RFX7: variants seen among roughly 807,000 people sequenced by gnomAD.
RFX7 encodes DNA-binding protein RFX7.
RFX7 carries 26 observed loss-of-function variants against 111.8 expected under a neutral mutation model. That is an observed-to-expected ratio of 0.23 (90% CI 0.17 to 0.32). RFX7 has a LOEUF of 0.32. RFX7 is among the 10% of genes least tolerant of loss of function. RFX7 has a pLI of 1.00. For missense variants in RFX7, 1,573 were observed against 1,772.9 expected, an observed-to-expected ratio of 0.89 and a Z score of 2.02; for synonymous variants, 624 against 624.4, an observed-to-expected ratio of 1.00 and a Z score of 0.01.
chr15:56,188,771 T>C (rs1435147201), intron 2 of RFX7, among the ~76,000 whole-genome samples: 8 of 152,146 alleles, frequency 5.3e-5, no homozygotes, highest in African/African-American at 1.9e-4. Context: ...GAAGAAACCA[T>C]AGGAGAATAT....
At position 56,096,377 on chromosome 15, in the gene RFX7, G is replaced by C. The variant is rs1308649147; in HGVS notation, c.1351C>G (p.Leu451Val). ...GTTTTGATGGGACTACTAGTAAAGAGGACAGTAGTTGGAGAGCGAATGGTG... is the reference window on the plus strand; with the variant it reads ...GTTTTGATGGGACTACTAGTAAAGACGACAGTAGTTGGAGAGCGAATGGTG... ...ALTIRSPTTV[L>V]FTSSPIKTAV... The change falls in exon 10 of 10, where the codon CTC (leucine) becomes GTC (valine). Residue 451 changes from leucine (L) to valine (V), a missense_variant. Leu to Val is a conservative substitution (Grantham distance 32). Transcript: ENST00000559447. 1 of 1,613,952 alleles carries C rather than the reference G, an allele frequency of 6.2e-7. No individual in the cohort carries two copies. Among genetic ancestry groups the C allele is most frequent in the Admixed American group, 1.7e-5 (1 of 60,018 alleles).
intron 5 of RFX7, among the ~76,000 whole-genome samples, chr15:56,130,406 C>CTCAATGAAATA (rs1427319806): frequency 5.3e-5 from 8 of 150,460 alleles, no homozygotes; most frequent in Non-Finnish European, 1.2e-4. Flanking sequence ...GAAATAAACC[C>CTCAATGAAATA]TCAAACACCT....
intron 5 of RFX7, among the ~76,000 whole-genome samples, chr15:56,135,660 T>G (rs1203491873): frequency 2.0e-4 from 30 of 152,304 alleles, no homozygotes; most frequent in African/African-American, 6.3e-4. Flanking sequence ...TTGCCATTGC[T>G]TTTGCTGTTT....
chr15:56,188,207 T>C (rs1371091677), intron 2 of RFX7, among the ~76,000 whole-genome samples: 1 of 152,108 alleles, frequency 6.6e-6, no homozygotes, highest in Non-Finnish European at 1.5e-5. Flanking sequence ...TAATTTGAGA[T>C]CAGATGGCAG....
At chr15:56,236,292 G>A (rs1465248207) in intron 2 of RFX7, among the ~76,000 whole-genome samples, 8 of 152,192 alleles carry the variant, frequency 5.3e-5, no homozygotes, top group Admixed American at 5.2e-4. Flanking sequence ...TGGGTTGAGT[G>A]CCAAATATCT....
intron 5 of RFX7, among the ~76,000 whole-genome samples, chr15:56,117,685 G>A (rs2042025605): frequency 6.6e-6 from 1 of 151,878 alleles, no homozygotes; most frequent in Non-Finnish European, 1.5e-5. Context: ...TCTGTGAAAC[G>A]AACTTTTATC....
chr15:56,145,889 C>A (rs1454369623), intron 3 of RFX7, among the ~76,000 whole-genome samples: 1 of 152,174 alleles, frequency 6.6e-6, no homozygotes, highest in Non-Finnish European at 1.5e-5. Flanking sequence ...CCACAAGTGG[C>A]ATAAAATAAC....
chr15:56,243,110 G>T lies in RFX7; in HGVS notation c.161+15C>A. ...GCCTGGGCTTTTTCACGCGAGCGAT[G>T]GAGGATCCTCTTACCAGATGGAGTT... On this transcript the variant is annotated intron_variant, in intron 2 of 9. Coordinates refer to ENST00000559447, the MANE Select transcript of RFX7 (RefSeq NM_022841.7). 2.9e-6 allele frequency: 4 copies of T among 1,360,744 alleles called. No individual in the cohort carries two copies. The highest frequency in any genetic ancestry group is 3.9e-6 in the Non-Finnish European group (4 of 1,019,196). The allele number at this position is 1,360,744 out of a possible 1,614,324, so 84.3% of individuals were successfully genotyped here.
chr15:56,212,302 G>A (rs2043320490), intron 2 of RFX7, among the ~76,000 whole-genome samples: 2 of 152,130 alleles, frequency 1.3e-5, no homozygotes, highest in South Asian at 4.1e-4. Context: ...CAGGGAAAAA[G>A]CAAAACTACA....
chr15:56,093,294 T>C lies in RFX7; in HGVS notation c.*51A>G. The C allele has an allele frequency of 1.4e-6, 2 of 1,452,802 alleles. No individual in the cohort carries two copies. The highest frequency in any genetic ancestry group is 2.7e-5 in the South Asian group (2 of 73,586). 90.0% of individuals were successfully genotyped at this position (1,452,802 alleles called of 1,614,324 possible). ...CGGGAGGCACTTCCATTAAGACAAA[T>C]ACAATACATATGTCTTTAGATACAG... On this transcript the variant is annotated 3_prime_UTR_variant, in exon 10 of 10. Coordinates refer to ENST00000559447, the MANE Select transcript of RFX7 (RefSeq NM_022841.7).
At chr15:56,195,328 T>A (rs1367299698) in intron 2 of RFX7, among the ~76,000 whole-genome samples, 1 of 152,116 alleles carries the variant, frequency 6.6e-6, no homozygotes, top group East Asian at 1.9e-4. Context: ...ATAGAGGTGA[T>A]GGCTACATAA....
chr15:56,209,513 G>C (rs1053444209), intron 2 of RFX7, among the ~76,000 whole-genome samples: 2 of 151,918 alleles, frequency 1.3e-5, no homozygotes, highest in African/African-American at 4.8e-5. Flanking sequence ...AAAAAGTGCA[G>C]GTAAAATCAA....
rs1283117416 is a variant in RFX7, at chr15:56,110,425, GC to G, written c.402-6756del. Among the ~76,000 whole-genome samples the G allele has an allele frequency of 5.4e-5, 7 of 128,962 alleles. No homozygotes were observed. In the South Asian group the frequency reaches 1.0e-3, roughly 18 times the overall value. The allele number at this position is 128,962 out of a possible 152,430, so 84.6% of individuals were successfully genotyped here. ...GCCCCGTCCGGGGGAGGGGGGGTCA[GC>G]CCCCCGCCCGGCCAGCCGCCCCATC... On this transcript the variant is annotated intron_variant, in intron 5 of 9. Coordinates refer to ENST00000559447, the MANE Select transcript of RFX7 (RefSeq NM_022841.7).
intron 2 of RFX7, among the ~76,000 whole-genome samples, chr15:56,202,289 A>T (rs1357382658): frequency 6.6e-6 from 1 of 152,236 alleles, no homozygotes; most frequent in African/African-American, 2.4e-5. Context: ...AAAATATTTT[A>T]GTGTGTCAAA....
At chr15:56,236,610 C>A (rs1234471535) in intron 2 of RFX7, among the ~76,000 whole-genome samples, 3 of 152,188 alleles carry the variant, frequency 2.0e-5, no homozygotes, top group Admixed American at 1.3e-4. Flanking sequence ...ATTAAAATAT[C>A]TATCCTAGAT....
chr15:56,194,820 T>C (rs2043132324), intron 2 of RFX7, among the ~76,000 whole-genome samples: 1 of 152,122 alleles, frequency 6.6e-6, no homozygotes, highest in East Asian at 1.9e-4. Flanking sequence ...CTTGTGGGAA[T>C]GAAAGATGAT....
intron 2 of RFX7, among the ~76,000 whole-genome samples, chr15:56,191,959 A>G (rs548581247): frequency 1.6e-4 from 25 of 152,260 alleles, no homozygotes; most frequent in African/African-American, 5.5e-4. Context: ...GTCTGTCCCA[A>G]TGGCTTGTGA....
chr15:56,233,047 G>C (rs2043584662), intron 2 of RFX7, among the ~76,000 whole-genome samples: 1 of 152,078 alleles, frequency 6.6e-6, no homozygotes, highest in Admixed American at 6.5e-5. Flanking sequence ...CCATATTTTT[G>C]GGTTATCTTT....
intron 5 of RFX7, among the ~76,000 whole-genome samples, chr15:56,106,843 G>GTTAGT (rs1713280685): frequency 6.6e-6 from 1 of 151,896 alleles, no homozygotes; most frequent in South Asian, 2.1e-4. Context: ...GGAGATCTTG[G>GTTAGT]TTAGTTTACA....
Sources: allele counts gnomAD v4.1 joint callset (sites outside exome capture counted in the v4.1 genomes callset), GRCh38; gene constraint gnomAD v4.1.1; transcripts MANE v1.5; gene names NCBI Gene and HGNC (gene_info 2026-07-23, HGNC 2026-07-21).